The following SLC24A2 variants were observed in gnomAD, a reference collection of about 807,000 sequenced individuals.
SLC24A2 encodes solute carrier family 24 member 2, also known as sodium/potassium/calcium exchanger 2.
Under a neutral mutation model 62.0 loss-of-function variants are expected in SLC24A2, and 36 were observed. The ratio of observed to expected loss-of-function variants is 0.58; its 90% CI spans 0.44 to 0.77. The LOEUF (loss-of-function observed/expected upper bound fraction) is 0.77, where lower values mean the gene tolerates loss of function less well. SLC24A2 is among the 30% of genes least tolerant of loss of function. The pLI, the probability that SLC24A2 is intolerant of heterozygous loss-of-function variation, is 0.00. For synonymous variants in SLC24A2, 358 were observed against 294.0 expected, an observed-to-expected ratio of 1.22 and a Z score of -2.23; for missense variants, 846 against 817.9, an observed-to-expected ratio of 1.03 and a Z score of -0.42.
chr9:19,858,737 A>T, the SLC24A2 span, among the ~76,000 whole-genome samples: 1 of 152,218 alleles, frequency 6.6e-6, no homozygotes, highest in East Asian at 1.9e-4. Flanking sequence ...GTGGCCAGGA[A>T]ACCTATGAAA....
At chr9:20,069,688 T>A in the SLC24A2 span, among the ~76,000 whole-genome samples, 1 of 152,248 alleles carries the variant, frequency 6.6e-6, no homozygotes, top group Non-Finnish European at 1.5e-5. Context: ...TTCAGTTGCC[T>A]TATGATCTTC....
At chr9:19,861,924 C>A in the SLC24A2 span, among the ~76,000 whole-genome samples, 4 of 151,868 alleles carry the variant, frequency 2.6e-5, no homozygotes, top group South Asian at 6.2e-4. Flanking sequence ...GAATAAAAAC[C>A]AATGAAGCAT....
At chr9:20,167,987 A>C in the SLC24A2 span, among the ~76,000 whole-genome samples, 1 of 151,682 alleles carries the variant, frequency 6.6e-6, no homozygotes, top group East Asian at 2.0e-4. Context: ...AAGCCTTGGC[A>C]CTCTTTCCTT....
chr9:20,241,409 T>C, the SLC24A2 span, among the ~76,000 whole-genome samples: 13 of 152,226 alleles, frequency 8.5e-5, no homozygotes, highest in African/African-American at 2.4e-4. Context: ...TCATCGCTTA[T>C]GTCTCCATCT....
chr9:19,541,814 G>A (rs374664726), intron 8 of SLC24A2, among the ~76,000 whole-genome samples: 5 of 149,248 alleles, frequency 3.4e-5, no homozygotes, highest in African/African-American at 7.3e-5. Context: ...CCTCGTTGCC[G>A]CCTTGCAGTT....
intron 4 of SLC24A2, among the ~76,000 whole-genome samples, chr9:19,618,288 T>C (rs1421532095): frequency 6.6e-6 from 1 of 152,152 alleles, no homozygotes; most frequent in Non-Finnish European, 1.5e-5. Context: ...AAAAGAAGGC[T>C]CATGACCAGG....
At chr9:19,844,577 C>G in the SLC24A2 span, among the ~76,000 whole-genome samples, 1 of 151,942 alleles carries the variant, frequency 6.6e-6, no homozygotes, top group Admixed American at 6.6e-5. Flanking sequence ...GGGATTTAGT[C>G]ATAAATTCTT....
intron 7 of SLC24A2, 36 bp downstream of exon 7, chr9:19,573,315 A>T (rs945478548): frequency 1.4e-6 from 2 of 1,384,064 alleles, no homozygotes. Context: ...TCAGTTAAGA[A>T]CAACAGCCCA....
At chr9:20,192,789 A>G in the SLC24A2 span, among the ~76,000 whole-genome samples, 1 of 152,120 alleles carries the variant, frequency 6.6e-6, no homozygotes, top group African/African-American at 2.4e-5. Flanking sequence ...TAATTCCAAC[A>G]TGCAGCCAAG....
At chr9:20,136,986 G>A in the SLC24A2 span, among the ~76,000 whole-genome samples, 1 of 152,144 alleles carries the variant, frequency 6.6e-6, no homozygotes, top group African/African-American at 2.4e-5. Flanking sequence ...CTAATTAAGA[G>A]AGATAATGCT....
the SLC24A2 span, among the ~76,000 whole-genome samples, chr9:20,040,845 A>C: frequency 1.3e-5 from 2 of 152,216 alleles, no homozygotes; most frequent in Non-Finnish European, 1.5e-5. Context: ...TTTAATCCTC[A>C]CAACAAGCCT....
At chr9:19,776,187 G>A (rs950507021) in intron 2 of SLC24A2, among the ~76,000 whole-genome samples, 1 of 152,206 alleles carries the variant, frequency 6.6e-6, no homozygotes. Flanking sequence ...CTCACAATGT[G>A]AAAAGTGAAT....
upstream of SLC24A2, among the ~76,000 whole-genome samples, chr9:19,790,538 A>AAG (rs1823304366): frequency 1.3e-5 from 2 of 148,904 alleles, no homozygotes; most frequent in Admixed American, 1.3e-4. Context: ...ATCAAAAAAA[A>AAG]AAAAAAAAAA....
At chr9:19,651,248 G>A (rs767023304) in intron 2 of SLC24A2, among the ~76,000 whole-genome samples, 1 of 152,154 alleles carries the variant, frequency 6.6e-6, no homozygotes, top group South Asian at 2.1e-4. Context: ...ACTTATAATA[G>A]TACTTATTAG....
chr9:20,223,837 G>A, the SLC24A2 span, among the ~76,000 whole-genome samples: 1 of 152,098 alleles, frequency 6.6e-6, no homozygotes, highest in Non-Finnish European at 1.5e-5. Flanking sequence ...GCTATAAAGA[G>A]CTACCTGAGA....
At chr9:19,969,183 C>CCACACACACACACACACACACA in the SLC24A2 span, among the ~76,000 whole-genome samples, 15 of 122,270 alleles carry the variant, frequency 1.2e-4, no homozygotes, top group Admixed American at 2.6e-4. Context: ...ACCTCCTTTG[C>CCACACACACACACACACACACA]CACACACACA....
intron 2 of SLC24A2, among the ~76,000 whole-genome samples, chr9:19,625,717 A>C (rs549703380): frequency 4.8e-4 from 66 of 138,172 alleles, no homozygotes; most frequent in African/African-American, 1.7e-3. Context: ...ATGGGGTTTC[A>C]CTCTTGTCAC....
the SLC24A2 span, among the ~76,000 whole-genome samples, chr9:19,969,947 A>G: frequency 2.0e-5 from 3 of 152,162 alleles, no homozygotes; most frequent in Non-Finnish European, 2.9e-5. Context: ...TGACATAAAT[A>G]TGGGGAAGAG....
At chr9:20,042,439 T>C in the SLC24A2 span, among the ~76,000 whole-genome samples, 34 of 152,308 alleles carry the variant, frequency 2.2e-4, no homozygotes, top group Non-Finnish European at 4.0e-4. Flanking sequence ...GACAGCTTGA[T>C]TCTGCAATCC....
Sources: allele counts gnomAD v4.1 joint callset (sites outside exome capture counted in the v4.1 genomes callset), GRCh38; gene constraint gnomAD v4.1.1; transcripts MANE v1.5; gene names NCBI Gene and HGNC (gene_info 2026-07-23, HGNC 2026-07-21).